Variants in GRM7 observed in about 807,000 individuals in gnomAD.
GRM7 encodes the protein glutamate metabotropic receptor 7.
GRM7 carries 35 observed loss-of-function variants against 84.5 expected under a neutral mutation model. That is an observed-to-expected ratio of 0.41 (90% CI 0.32 to 0.55). The LOEUF (loss-of-function observed/expected upper bound fraction) is 0.55. GRM7 is among the 20% of genes least tolerant of loss of function. GRM7 has a pLI of 0.19. For synonymous variants in GRM7, 487 were observed against 455.1 expected (o/e 1.07, Z -0.89); for missense variants, 1,003 against 1,194.6 (o/e 0.84, Z 2.36).
chr3:7,504,812 G>C (rs1158035683), intron 7 of GRM7, among the ~76,000 whole-genome samples: 1 of 152,252 alleles, frequency 6.6e-6, no homozygotes, highest in Non-Finnish European at 1.5e-5. Context: ...ATAGCATTCT[G>C]TCTCTAGCCC....
chr3:7,039,680 T>G (rs1363540731), intron 1 of GRM7, among the ~76,000 whole-genome samples: 1 of 151,258 alleles, frequency 6.6e-6, no homozygotes, highest in African/African-American at 2.4e-5. Flanking sequence ...TCAGGGAAAA[T>G]GTCATTCTTA....
In GRM7 at chr3:6,880,031, A is replaced by G. The variant is rs184981148; in HGVS notation, c.519+18124A>G. On this transcript the variant is annotated intron_variant, in intron 1 of 9. Transcript: ENST00000357716. ...GGGATGTGGAGCAAAGAAAGTATTT[A>G]CCAAAACTCATCATCAGACTCTCAC... 2.4e-4 allele frequency among the ~76,000 whole-genome samples: 36 copies of G among 152,310 alleles called. 1 individual carries two copies. Among genetic ancestry groups the G allele is most frequent in the Admixed American group, 1.9e-3 (29 of 15,286 alleles).
chr3:6,971,173 CAA>C (rs3063446), intron 1 of GRM7, among the ~76,000 whole-genome samples: 22 of 134,430 alleles, frequency 1.6e-4, no homozygotes, highest in Middle Eastern at 4.0e-3. Flanking sequence ...GATGATTCCA[CAA>C]AAAAAAAAAA....
At chr3:7,224,325 A>T (rs1696909871) in intron 2 of GRM7, among the ~76,000 whole-genome samples, 1 of 152,080 alleles carries the variant, frequency 6.6e-6, no homozygotes, top group Non-Finnish European at 1.5e-5. Flanking sequence ...AACTCATGAG[A>T]ATTTGCTCAT....
intron 2 of GRM7, among the ~76,000 whole-genome samples, chr3:7,206,056 C>T (rs117259052): frequency 2.0e-5 from 3 of 152,244 alleles, no homozygotes; most frequent in East Asian, 3.9e-4. Flanking sequence ...GGTGAGGAGC[C>T]TCTGTCATGC....
chr3:7,160,808 A>G (rs1694599369), intron 2 of GRM7, among the ~76,000 whole-genome samples: 1 of 152,014 alleles, frequency 6.6e-6, no homozygotes, highest in Non-Finnish European at 1.5e-5. Flanking sequence ...AGCACCCCAT[A>G]CTTCCTCTTT....
intron 8 of GRM7, among the ~76,000 whole-genome samples, chr3:7,671,759 A>G (rs1258875614): frequency 6.6e-6 from 1 of 151,986 alleles, no homozygotes; most frequent in Non-Finnish European, 1.5e-5. Context: ...GAGGCCATCT[A>G]ATAATGACAC....
rs746343865 is a variant in GRM7 at position 7,461,617 on chromosome 3, C to T, written c.1410C>T (p.Asn470=). 11 of 1,612,194 alleles carry T rather than the reference C, an allele frequency of 6.8e-6. No homozygotes were observed. Among genetic ancestry groups the T allele is most frequent in the South Asian group, 3.3e-5 (3 of 91,036 alleles). The change falls in exon 7 of 10, where the codon AAC becomes AAT. Residue 470 remains asparagine (N), a synonymous_variant. Coordinates refer to ENST00000357716, the MANE Select transcript of GRM7 (RefSeq NM_000844.4). ...SAGTPVMFNK[N]GDAPGRYDIF... ...GCACTCCAGTGATGTTTAACAAGAA[C>T]GGGGATGCACCTGGGCGTTATGACA...
chr3:7,520,211 G>A (rs1700543468), intron 7 of GRM7: 1 of 152,194 alleles, frequency 6.6e-6, no homozygotes, highest in Non-Finnish European at 1.5e-5. Flanking sequence ...CATGTGGAAC[G>A]GGCCATTGTT....
At chr3:6,947,133 T>G (rs1308013386) in intron 1 of GRM7, among the ~76,000 whole-genome samples, 5 of 152,178 alleles carry the variant, frequency 3.3e-5, no homozygotes, top group African/African-American at 4.8e-5. Flanking sequence ...CTTGTGCCAG[T>G]TTTCAAAAGG....
chr3:7,033,324 G>GATTCCA (rs1237582296), intron 1 of GRM7, among the ~76,000 whole-genome samples: 27 of 152,000 alleles, frequency 1.8e-4, no homozygotes, highest in African/African-American at 5.3e-4. Flanking sequence ...TGGATTCCAG[G>GATTCCA]TGGACATGAA....
chr3:7,291,510 CTCTCTCTCTCTCTCTCTCT>C (rs1699623132), intron 2 of GRM7, among the ~76,000 whole-genome samples: 1 of 21,146 alleles, frequency 4.7e-5, no homozygotes, highest in East Asian at 1.1e-3. Context: ...CTCTCTCTCT[CTCTCTCTCTCTCTCTCTCT>C]CTCTCTCTCT....
intron 4 of GRM7, among the ~76,000 whole-genome samples, chr3:7,341,730 CTA>C (rs1234024300): frequency 6.6e-6 from 1 of 152,110 alleles, no homozygotes; most frequent in African/African-American, 2.4e-5. Context: ...TGGGTGTTTA[CTA>C]TGTGTTTTAC....
At chr3:7,689,373 T>C (rs1700710989) in intron 9 of GRM7, among the ~76,000 whole-genome samples, 1 of 152,228 alleles carries the variant, frequency 6.6e-6, no homozygotes, top group South Asian at 2.1e-4. Context: ...GTGTTATCTC[T>C]GCTGTAACTG....
intron 1 of GRM7, among the ~76,000 whole-genome samples, chr3:6,935,447 C>T (rs1240911626): frequency 1.3e-5 from 2 of 151,798 alleles, no homozygotes; most frequent in Admixed American, 1.3e-4. Flanking sequence ...TGAAATCTCC[C>T]ACCCTAAGAG....
intron 1 of GRM7, among the ~76,000 whole-genome samples, chr3:7,098,854 G>A (rs1698948262): frequency 6.6e-6 from 1 of 151,868 alleles, no homozygotes; most frequent in African/African-American, 2.4e-5. Flanking sequence ...ATGAGACTTG[G>A]TGTGCATCTG....
chr3:7,156,559 C>G (rs906765223), intron 2 of GRM7, among the ~76,000 whole-genome samples: 3 of 152,110 alleles, frequency 2.0e-5, no homozygotes, highest in Admixed American at 2.0e-4. Flanking sequence ...GTGTTCACTT[C>G]CTTCACAGGG....
At chr3:7,603,013 G>A (rs1456343450) in intron 8 of GRM7, among the ~76,000 whole-genome samples, 1 of 152,088 alleles carries the variant, frequency 6.6e-6, no homozygotes, top group Non-Finnish European at 1.5e-5. Context: ...CATTTTATTA[G>A]GAGAAATGGT....
chr3:7,513,840 T>C (rs1034739211), intron 7 of GRM7, among the ~76,000 whole-genome samples: 2 of 152,262 alleles, frequency 1.3e-5, no homozygotes, highest in African/African-American at 4.8e-5. Context: ...TTCTGTTTTG[T>C]TTCTTTGAAC....
Sources: gnomAD v4.1 joint callset for allele counts (sites outside exome capture counted in the v4.1 genomes callset) on GRCh38, gnomAD v4.1.1 for gene constraint, MANE v1.5 for transcripts, NCBI Gene and HGNC (gene_info 2026-07-23, HGNC 2026-07-21) for gene names.